PTPN12: variants seen among roughly 807,000 people sequenced by gnomAD.
PTPN12 encodes protein tyrosine phosphatase non-receptor type 12, also known as tyrosine-protein phosphatase non-receptor type 12.
A neutral mutation model predicts 97.6 loss-of-function variants in PTPN12; 29 were observed. That is an observed-to-expected ratio of 0.30 (90% CI 0.22 to 0.41). The LOEUF (loss-of-function observed/expected upper bound fraction) is 0.41, where lower values mean the gene tolerates loss of function less well. PTPN12 is among the 10% of genes least tolerant of loss of function. PTPN12 has a pLI of 1.00. For synonymous variants in PTPN12, 327 were observed against 300.4 expected (o/e 1.09, Z -0.91); for missense variants, 819 against 926.0 (o/e 0.88, Z 1.50).
At chr7:77,590,860 G>C (rs989567864) in intron 5 of PTPN12, among the ~76,000 whole-genome samples, 4 of 151,514 alleles carry the variant, frequency 2.6e-5, no homozygotes, top group African/African-American at 9.7e-5. Context: ...CACCACGCCC[G>C]GCCTCCATCT....
intron 1 of PTPN12, among the ~76,000 whole-genome samples, chr7:77,545,027 A>C (rs1275273871): frequency 1.3e-5 from 2 of 152,242 alleles, no homozygotes; most frequent in African/African-American, 4.8e-5. Context: ...ATTTTAAATA[A>C]ATATGATTTT....
At chr7:77,598,391 A>G (rs1788088074) in intron 7 of PTPN12, among the ~76,000 whole-genome samples, 1 of 151,980 alleles carries the variant, frequency 6.6e-6, no homozygotes, top group Non-Finnish European at 1.5e-5. Context: ...ATCCAAAATA[A>G]AAGTTGAGGC....
chr7:77,584,330 T>G (rs1019323366), intron 4 of PTPN12, among the ~76,000 whole-genome samples: 1 of 152,150 alleles, frequency 6.6e-6, no homozygotes, highest in Non-Finnish European at 1.5e-5. Flanking sequence ...TTTGAAAGAT[T>G]AATAAAAGGG....
intron 12 of PTPN12, among the ~76,000 whole-genome samples, chr7:77,625,472 G>GCTCGCTCT: frequency 3.3e-4 from 11 of 33,512 alleles, no homozygotes; most frequent in Admixed American, 1.0e-3. Flanking sequence ...CAGGCTGCTC[G>GCTCGCTCT]CTCTCTCTCT....
At chr7:77,618,155 C>T (rs1584199675) in intron 11 of PTPN12, among the ~76,000 whole-genome samples, 3 of 151,502 alleles carry the variant, frequency 2.0e-5, no homozygotes, top group South Asian at 2.1e-4. Flanking sequence ...GTAGTGATGG[C>T]GGGGCGGGGG....
chr7:77,636,250 C>T (rs1457940525), intron 15 of PTPN12, among the ~76,000 whole-genome samples: 1 of 151,848 alleles, frequency 6.6e-6, no homozygotes, highest in Non-Finnish European at 1.5e-5. Context: ...TTCTGGCTAC[C>T]TGGCATTTCT....
At chr7:77,561,940 C>G (rs971307503) in intron 1 of PTPN12, among the ~76,000 whole-genome samples, 1 of 150,080 alleles carries the variant, frequency 6.7e-6, no homozygotes, top group African/African-American at 2.5e-5. Flanking sequence ...TACAAGTGCC[C>G]ATCACCACGC....
At chr7:77,636,525 T>C (rs1249198153) in intron 15 of PTPN12, among the ~76,000 whole-genome samples, 19 of 152,152 alleles carry the variant, frequency 1.2e-4, no homozygotes. Context: ...AAGGCTGCAG[T>C]GAGCCATGAT....
chr7:77,593,577 A>G (rs1003996063), intron 6 of PTPN12, among the ~76,000 whole-genome samples: 1 of 152,246 alleles, frequency 6.6e-6, no homozygotes, highest in Non-Finnish European at 1.5e-5. Context: ...CCAATGTTGC[A>G]GATGAAGGCA....
chr7:77,572,489 C>T (rs1448457537), intron 2 of PTPN12, among the ~76,000 whole-genome samples: 1 of 152,224 alleles, frequency 6.6e-6, no homozygotes, highest in African/African-American at 2.4e-5. Context: ...CCTCTCATCT[C>T]TTTCCCTCTT....
chr7:77,638,748 A>T lies in PTPN12; in HGVS notation c.2281+17A>T. 1 of 1,590,662 alleles carries T rather than the reference A, an allele frequency of 6.3e-7. No homozygotes were observed. On this transcript the variant is annotated intron_variant, in intron 17 of 17. Coordinates refer to ENST00000248594, the MANE Select transcript of PTPN12 (RefSeq NM_002835.4). ...CAGATATTGGTAATTTGTTTAATAA[A>T]TAATTTTTAGTAAGTAGTTAACACT...
chr7:77,562,982 G>GT (rs1302605770), intron 1 of PTPN12, among the ~76,000 whole-genome samples: 3 of 145,648 alleles, frequency 2.1e-5, no homozygotes, highest in African/African-American at 5.1e-5. Context: ...GAACAGCCTT[G>GT]TTTTTTTATT....
rs780032674 is a variant in PTPN12 at position 77,639,259 on chromosome 7, TC to T, written c.2324del (p.Pro775HisfsTer11). 1 of 1,612,744 alleles carries T rather than the reference TC, an allele frequency of 6.2e-7. No homozygotes were observed. The highest frequency in any genetic ancestry group is 8.5e-7 in the Non-Finnish European group (1 of 1,179,370). Reference protein sequence around the residue: ...RCGKPKGPRDPPSEWT With the variant: ...RCGKPKGPRDXPSEWT The stretch of plus-strand genomic sequence containing the variant: ...GTGGAAAACCCAAAGGACCAAGAGA[TC>T]CACCTTCAGAATGGACATGATTCAG... On this transcript the variant is annotated frameshift_variant, in exon 18 of 18. Coordinates refer to ENST00000248594, the MANE Select transcript of PTPN12 (RefSeq NM_002835.4). LOFTEE classifies it high-confidence loss of function.
At chr7:77,563,280 C>G (rs1808080568) in intron 1 of PTPN12, among the ~76,000 whole-genome samples, 1 of 152,056 alleles carries the variant, frequency 6.6e-6, no homozygotes, top group Admixed American at 6.6e-5. Context: ...CATAGAAGAC[C>G]TAACAGTTTA....
chr7:77,617,377 G>T (rs1206617822), intron 11 of PTPN12, among the ~76,000 whole-genome samples: 1 of 152,136 alleles, frequency 6.6e-6, no homozygotes, highest in Non-Finnish European at 1.5e-5. Context: ...TGTTGTTCTT[G>T]TCAGGAAGTG....
intron 1 of PTPN12, among the ~76,000 whole-genome samples, chr7:77,566,809 C>A (rs979771885): frequency 6.6e-6 from 1 of 151,986 alleles, no homozygotes; most frequent in Non-Finnish European, 1.5e-5. Context: ...AAAAGTCACA[C>A]GATAAAGGGT....
chr7:77,598,226 G>C (rs372008945), intron 7 of PTPN12, among the ~76,000 whole-genome samples: 1 of 148,652 alleles, frequency 6.7e-6, no homozygotes, highest in African/African-American at 2.5e-5. Context: ...TGAGAATAGA[G>C]AATAGTTTTC....
intron 12 of PTPN12, among the ~76,000 whole-genome samples, chr7:77,624,151 C>T (rs1464839848): frequency 6.6e-6 from 1 of 152,012 alleles, no homozygotes; most frequent in Non-Finnish European, 1.5e-5. Context: ...CCTGTAGTCC[C>T]AGCTGCTTGG....
intron 1 of PTPN12, among the ~76,000 whole-genome samples, chr7:77,538,604 T>C (rs1244050308): frequency 1.3e-5 from 2 of 150,840 alleles, no homozygotes; most frequent in East Asian, 3.9e-4. Context: ...GAGGTGAAGG[T>C]TAAAAGTCTT....
Sources: allele counts gnomAD v4.1 joint callset (sites outside exome capture counted in the v4.1 genomes callset), GRCh38; gene constraint gnomAD v4.1.1; transcripts MANE v1.5; gene names NCBI Gene and HGNC (gene_info 2026-07-23, HGNC 2026-07-21).